The following DGCR8 variants were observed in gnomAD, a reference collection of about 807,000 sequenced individuals.
The protein encoded by DGCR8 is DGCR8 microprocessor complex subunit.
DGCR8 carries 14 observed loss-of-function variants against 78.5 expected under a neutral mutation model. The ratio of observed to expected loss-of-function variants is 0.18; its 90% confidence interval spans 0.12 to 0.28. The LOEUF is 0.28. DGCR8 is among the 10% of genes least tolerant of loss of function. The pLI is 1.00. For missense variants in DGCR8, 702 were observed against 1,022.5 expected (o/e 0.69, Z 4.28); for synonymous variants, 399 against 402.4 (o/e 0.99, Z 0.10).
At chr22:20,091,141 A>G (rs550849691) in intron 5 of DGCR8, among the ~76,000 whole-genome samples, 2 of 152,336 alleles carry the variant, frequency 1.3e-5, no homozygotes, top group East Asian at 3.9e-4. Context: ...TACAGGGAGG[A>G]AGTCCCGAAG....
Position 20,092,063 on chromosome 22 carries a change from T to C in DGCR8, c.1606+93T>C. On this transcript the variant is annotated intron_variant, in intron 7 of 13. Coordinates refer to ENST00000351989, the MANE Select transcript of DGCR8 (RefSeq NM_022720.7). ...GGCAGGCGCTGACCGCTAGCCCTACTCTACTGGAACGGGAGGAAAGGGAAG... is the reference window on the plus strand; with the variant it reads ...GGCAGGCGCTGACCGCTAGCCCTACCCTACTGGAACGGGAGGAAAGGGAAG... The C allele has an allele frequency of 4.1e-6, 4 of 980,354 alleles. No individual in the cohort carries two copies. In the Admixed American group the frequency reaches 8.4e-5, roughly 21 times the overall value. The allele number at this position is 980,354 out of a possible 1,614,324, so 60.7% of individuals were successfully genotyped here.
chr22:20,097,308 C>G lies in DGCR8; in HGVS notation c.1788+2513C>G, dbSNP rs562690274. Among the ~76,000 whole-genome samples, 9 of 152,258 alleles carry G rather than the reference C, an allele frequency of 5.9e-5. No homozygotes were observed. The South Asian group carries it at 1.9e-3, about 32-fold the overall frequency. On this transcript the variant is annotated intron_variant, in intron 9 of 13. Transcript: ENST00000351989. ...TTCAGTGAAACCTTCTGGTCCCAGG[C>G]TTTTCTTTGTCCAGAGCTACTTAAT... is the stretch of plus-strand genomic sequence containing the variant.
Position 20,085,245 on chromosome 22 carries a change from C to T in DGCR8, c.-277-442C>T, listed in dbSNP as rs765478022. On this transcript the variant is annotated intron_variant, in intron 1 of 13. Transcript: ENST00000351989. This position sits in a 1 kb window ranked among gnomAD's most constrained non-coding sequence, Gnocchi z 6.2. ...AGAGTTGAGCTGAGGGTCTCGCGCTCGCCCTCTGACTGACCCAGCCCTTGC... is the reference window on the plus strand; with the variant it reads ...AGAGTTGAGCTGAGGGTCTCGCGCTTGCCCTCTGACTGACCCAGCCCTTGC... Among the ~76,000 whole-genome samples the T allele has an allele frequency of 3.9e-5, 6 of 152,136 alleles. No homozygotes were observed. The highest frequency in any genetic ancestry group is 7.3e-5 in the Non-Finnish European group (5 of 68,042).
rs181823354 is a variant in DGCR8, at chr22:20,095,064, A to G, written c.1788+269A>G. 2.6e-5 allele frequency among the ~76,000 whole-genome samples: 4 copies of G among 152,256 alleles called. No homozygotes were observed. In the East Asian group the frequency reaches 7.7e-4, roughly 29 times the overall value. On this transcript the variant is annotated intron_variant, in intron 9 of 13. Transcript: ENST00000351989. ...TGTGCACCGTAAATGTCGGGTACAC[A>G]TAGGTTTGTGATGGGAATGAATCTT...
At chr22:20,090,780 T>C (rs1157443427) in intron 5 of DGCR8, among the ~76,000 whole-genome samples, 2 of 152,256 alleles carry the variant, frequency 1.3e-5, no homozygotes, top group Admixed American at 6.5e-5. Context: ...TAAGTCTTAG[T>C]TCTCTCTTCA....
rs2049765883 is a variant in DGCR8, at chr22:20,106,043, G to T, written c.1789-134G>T. On this transcript the variant is annotated intron_variant, in intron 9 of 13. Coordinates refer to ENST00000351989, the MANE Select transcript of DGCR8 (RefSeq NM_022720.7). ...TCTTGTACCCGGTGGGTTCCTTGCA[G>T]AGTTGAGGTATGAAGTGCTAGGCGA... 3.0e-5 allele frequency: 20 copies of T among 665,208 alleles called. No individual in the cohort carries two copies. The South Asian group carries it at 3.5e-4, about 12-fold the overall frequency. The allele number at this position is 665,208 out of a possible 1,614,324, so 41.2% of individuals were successfully genotyped here. A position where few individuals can be genotyped will look rare whatever the true frequency, so the allele number is the denominator to read the frequency against.
chr22:20,098,597 A>G (rs1169265662), intron 9 of DGCR8, among the ~76,000 whole-genome samples: 1 of 152,202 alleles, frequency 6.6e-6, no homozygotes, highest in African/African-American at 2.4e-5. Flanking sequence ...TGCTAGGGAT[A>G]CTGTAACAAA....
At position 20,086,360 on chromosome 22, in the gene DGCR8, A is replaced by G; in HGVS notation, c.397A>G (p.Arg133Gly). The change falls in exon 2 of 14, where the codon AGG (arginine) becomes GGG (glycine). Residue 133 changes from arginine (R) to glycine (G), a missense_variant. Around this residue, in one of 4 missense-constraint regions of DGCR8, gnomAD observed 356 missense variants for 448.9 expected, o/e 0.79. Coordinates refer to ENST00000351989, the MANE Select transcript of DGCR8 (RefSeq NM_022720.7). This position sits in a 1 kb window ranked among gnomAD's most constrained non-coding sequence, Gnocchi z 6.4. ...TACCGAGAGCTGCAGGAGTAAGGAC[A>G]GGAAGGTGCTGTACACAGGAGCAGA... Reference protein sequence around the residue: ...SFTESCRSKDRKVLYTGAERD... With the variant: ...SFTESCRSKDGKVLYTGAERD... 2.5e-6 allele frequency: 4 copies of G among 1,614,094 alleles called. No homozygotes were observed. Among genetic ancestry groups the G allele is most frequent in the Non-Finnish European group, 3.4e-6 (4 of 1,180,024 alleles).
In DGCR8 at chr22:20,111,578, G is replaced by A. The variant is rs2049846379; in HGVS notation, c.*1470G>A. 1 of 396,470 alleles carries A rather than the reference G, an allele frequency of 2.5e-6. No homozygotes were observed. The highest frequency in any genetic ancestry group is 2.1e-5 in the African/African-American group (1 of 48,568). The allele number at this position is 396,470 out of a possible 1,614,324, so 24.6% of individuals were successfully genotyped here. On this transcript the variant is annotated 3_prime_UTR_variant, in exon 14 of 14. Coordinates refer to ENST00000351989, the MANE Select transcript of DGCR8 (RefSeq NM_022720.7). ...TGACTGTGACTGTTGCCCTTAGCCA[G>A]CCAGATGCGCCTGTGAACCAAAGCT...
chr22:20,085,099 T>C lies in DGCR8; in HGVS notation c.-277-588T>C. ...GGGAACAGAACTATGCTGCCACCTC[T>C]GGTGACCTCAGCACGCTGCATCACT... On this transcript the variant is annotated intron_variant, in intron 1 of 13. Transcript: ENST00000351989. The surrounding 1 kb of genome is among the most constrained non-coding windows in gnomAD (Gnocchi z 6.2). The C allele has an allele frequency of 1.1e-6, 1 of 927,656 alleles. No individual in the cohort carries two copies. The highest frequency in any genetic ancestry group is 1.3e-6 in the Non-Finnish European group (1 of 777,432). 57.5% of individuals were successfully genotyped at this position (927,656 alleles called of 1,614,324 possible). A position where few individuals can be genotyped will look rare whatever the true frequency, so the allele number is the denominator to read the frequency against.
At chr22:20,096,891 A>AT (rs1460451925) in intron 9 of DGCR8, among the ~76,000 whole-genome samples, 1 of 151,674 alleles carries the variant, frequency 6.6e-6, no homozygotes, top group Non-Finnish European at 1.5e-5. Flanking sequence ...ATGATGTTAG[A>AT]TTTTGTCAAA....
chr22:20,111,424 C>T lies in DGCR8; in HGVS notation c.*1316C>T, dbSNP rs2049843104. On this transcript the variant is annotated 3_prime_UTR_variant, in exon 14 of 14. Coordinates refer to ENST00000351989, the MANE Select transcript of DGCR8 (RefSeq NM_022720.7). ...GCCTGTGGGCCGCCCACAACATATC[C>T]TTCCCTCACTACCTGTGTGACCAAG... is the stretch of plus-strand genomic sequence containing the variant. The T allele has an allele frequency of 2.5e-6, 1 of 397,872 alleles. No homozygotes were observed. 24.6% of individuals were successfully genotyped at this position (397,872 alleles called of 1,614,324 possible). A position where few individuals can be genotyped will look rare whatever the true frequency, so the allele number is the denominator to read the frequency against.
Position 20,086,781 on chromosome 22 carries a change from AAAAAAC to A in DGCR8, c.720+105_720+110del, listed in dbSNP as rs2049489397. 1 of 1,422,198 alleles carries A rather than the reference AAAAAAC, an allele frequency of 7.0e-7. No homozygotes were observed. Among genetic ancestry groups the A allele is most frequent in the East Asian group, 2.3e-5 (1 of 43,584 alleles). 88.1% of individuals were successfully genotyped at this position (1,422,198 alleles called of 1,614,324 possible). A position where few individuals can be genotyped will look rare whatever the true frequency, so the allele number is the denominator to read the frequency against. ...TTGAAAGCAGGGAAATTAAAAAAAA[AAAAAAC>A]AAAAACCAAAATCCCCTCTGAGGTG... On this transcript the variant is annotated intron_variant, in intron 2 of 13. Coordinates refer to ENST00000351989, the MANE Select transcript of DGCR8 (RefSeq NM_022720.7). This position sits in a 1 kb window ranked among gnomAD's most constrained non-coding sequence, Gnocchi z 6.4.
rs1467197857 is a variant in DGCR8 at position 20,085,555 on chromosome 22, A to G, written c.-277-132A>G. 2.9e-6 allele frequency: 2 copies of G among 688,322 alleles called. No homozygotes were observed. The highest frequency in any genetic ancestry group is 4.1e-6 in the Non-Finnish European group (2 of 492,722). The allele number at this position is 688,322 out of a possible 1,614,324, so 42.6% of individuals were successfully genotyped here. On this transcript the variant is annotated intron_variant, in intron 1 of 13. Transcript: ENST00000351989. This position sits in a 1 kb window ranked among gnomAD's most constrained non-coding sequence, Gnocchi z 6.2. ...GTAAGGTTAGTTTGTTTTGATGCCT[A>G]AAAAGTCCTCTTAGGGAATATTATT...
Position 20,087,140 on chromosome 22 carries a change from G to T in DGCR8, c.721-22G>T, listed in dbSNP as rs773375816. On this transcript the variant is annotated intron_variant, in intron 2 of 13. Transcript: ENST00000351989. The surrounding 1 kb of genome is among the most constrained non-coding windows in gnomAD (Gnocchi z 4.1). Reference sequence around the variant, plus strand: ...GAGCATGAGCGCCAGGGGCTCTGGTGTCTGAACAGCGTGTTTTGCAGGATG... The same window carrying T: ...GAGCATGAGCGCCAGGGGCTCTGGTTTCTGAACAGCGTGTTTTGCAGGATG... 1 of 1,597,404 alleles carries T rather than the reference G, an allele frequency of 6.3e-7. No individual in the cohort carries two copies. The highest frequency in any genetic ancestry group is 8.6e-7 in the Non-Finnish European group (1 of 1,169,190).
chr22:20,092,724 C>G, intron 7 of DGCR8, 85 bp from the exon 8 acceptor site: 1 of 1,210,240 alleles, frequency 8.3e-7, no homozygotes, highest in East Asian at 2.4e-5. Context: ...CCTGACTGCG[C>G]CTTGTCTGTC....
chr22:20,090,949 G>A (rs2049550549), intron 5 of DGCR8, among the ~76,000 whole-genome samples: 1 of 152,240 alleles, frequency 6.6e-6, no homozygotes, highest in African/African-American at 2.4e-5. Context: ...GGCTGTTGCT[G>A]AGGATGGGGA....
rs767164241 is a variant in DGCR8, at chr22:20,087,179, T to C, written c.738T>C (p.Asp246=). ...TTTTGCAGGATGACTTTGACAACGATGTGGATGCTCTGCTGGAAGAAGGCC... is the reference window on the plus strand; with the variant it reads ...TTTTGCAGGATGACTTTGACAACGACGTGGATGCTCTGCTGGAAGAAGGCC... The part of the protein sequence containing the change: ...NFPYEDDFDN[D]VDALLEEGLC... The change falls in exon 3 of 14, where the codon GAT becomes GAC. Residue 246 remains aspartate (D), a synonymous_variant. Transcript: ENST00000351989. This position sits in a 1 kb window ranked among gnomAD's most constrained non-coding sequence, Gnocchi z 4.1. 10 of 1,611,930 alleles carry C rather than the reference T, an allele frequency of 6.2e-6. No homozygotes were observed. In the Middle Eastern group the frequency reaches 6.6e-4, roughly 107 times the overall value.
chr22:20,107,709 C>A (rs766883745), intron 12 of DGCR8: 2 of 384,926 alleles, frequency 5.2e-6, no homozygotes, highest in Non-Finnish European at 9.8e-6. Context: ...AAGGTGCGCC[C>A]GGCTCGGAGG....
Sources: allele counts gnomAD v4.1 joint callset (sites outside exome capture counted in the v4.1 genomes callset), GRCh38; gene constraint gnomAD v4.1.1; regional missense constraint gnomAD v4.1.1; non-coding constraint Gnocchi (gnomAD v3.1); transcripts MANE v1.5; gene names NCBI Gene and HGNC (gene_info 2026-07-23, HGNC 2026-07-21).